RMDN2: variants seen among roughly 807,000 people sequenced by gnomAD.
RMDN2 encodes regulator of microtubule dynamics 2, also known as regulator of microtubule dynamics protein 2.
A neutral mutation model predicts 52.8 loss-of-function variants in RMDN2; 61 were observed. The ratio of observed to expected loss-of-function variants is 1.16; its 90% CI spans 0.94 to 1.43. The LOEUF (loss-of-function observed/expected upper bound fraction) is 1.43. Ranked by LOEUF, RMDN2 falls within the 40% of genes most tolerant of loss-of-function variation. The pLI is 0.00. For missense variants in RMDN2, 592 were observed against 475.3 expected (o/e 1.25, Z -2.28); for synonymous variants, 180 against 153.1 (o/e 1.18, Z -1.30).
chr2:38,019,335 C>A (rs541798364), downstream of RMDN2, among the ~76,000 whole-genome samples: 1 of 152,236 alleles, frequency 6.6e-6, no homozygotes, highest in East Asian at 1.9e-4. Context: ...ATAATTGGAA[C>A]CTGACATAAG....
At chr2:38,025,876 G>C (rs954877735) in intron 10 of RMDN2, among the ~76,000 whole-genome samples, 2 of 151,892 alleles carry the variant, frequency 1.3e-5, no homozygotes, top group African/African-American at 4.8e-5. Context: ...TTAAGTTTTT[G>C]CATAAATATT....
At chr2:37,958,252 C>T (rs1349428286) in intron 2 of RMDN2, among the ~76,000 whole-genome samples, 1 of 152,184 alleles carries the variant, frequency 6.6e-6, no homozygotes, top group Non-Finnish European at 1.5e-5. Context: ...GCCATTTTCA[C>T]AATACTGATT....
intron 10 of RMDN2, among the ~76,000 whole-genome samples, chr2:38,048,381 A>G (rs1428657107): frequency 6.6e-6 from 1 of 152,186 alleles, no homozygotes; most frequent in African/African-American, 2.4e-5. Flanking sequence ...AGGACTTTAC[A>G]AATTTATCCT....
At chr2:37,993,083 TTTTTA>T (rs541701770) in intron 7 of RMDN2, among the ~76,000 whole-genome samples, 139 of 152,046 alleles carry the variant, frequency 9.1e-4, no homozygotes, top group Non-Finnish European at 1.7e-3. Context: ...CTCGGGTATT[TTTTTA>T]TTTTATTTTT....
chr2:37,951,139 C>A, intron 2 of RMDN2: 1 of 1,206,208 alleles, frequency 8.3e-7, no homozygotes. Flanking sequence ...AATTGGTGGA[C>A]ACCAAAAGGT....
At chr2:37,950,547 A>G (rs1668647106) in intron 2 of RMDN2, 1 of 1,613,104 alleles carries the variant, frequency 6.2e-7, no homozygotes, top group Non-Finnish European at 8.5e-7. Context: ...CCTAGAAGGG[A>G]AGGGAGAGAC....
intron 5 of RMDN2, among the ~76,000 whole-genome samples, chr2:37,985,415 GGGAAATCAATCCA>G (rs1673872987): frequency 6.6e-6 from 1 of 151,984 alleles, no homozygotes; most frequent in South Asian, 2.1e-4. Flanking sequence ...TAGTAGAGTA[GGGAAATCAATCCA>G]GTATACCTGG....
At chr2:37,989,953 C>T (rs565475234) in intron 6 of RMDN2, among the ~76,000 whole-genome samples, 2 of 151,686 alleles carry the variant, frequency 1.3e-5, no homozygotes, top group East Asian at 2.0e-4. Flanking sequence ...ACCATCCTGG[C>T]GAACACTGTG....
At chr2:38,042,427 CACA>C (rs1681021741) in intron 10 of RMDN2, among the ~76,000 whole-genome samples, 1 of 67,092 alleles carries the variant, frequency 1.5e-5, no homozygotes, top group Non-Finnish European at 2.3e-5. Context: ...ACACACACCA[CACA>C]CACACACACA....
chr2:38,029,434 T>C (rs1680017676), intron 10 of RMDN2: 3 of 152,066 alleles, frequency 2.0e-5, no homozygotes, highest in Admixed American at 6.5e-5. Flanking sequence ...CTGGAGCATT[T>C]TTTTGCATCT....
At chr2:37,967,983 A>G (rs1671289502) in intron 2 of RMDN2, among the ~76,000 whole-genome samples, 1 of 152,186 alleles carries the variant, frequency 6.6e-6, no homozygotes. Flanking sequence ...AATAAAGTTT[A>G]TGTTTTGTAT....
intron 2 of RMDN2, chr2:37,963,179 T>C (rs1670494435): frequency 6.6e-6 from 1 of 152,438 alleles, no homozygotes; most frequent in African/African-American, 2.4e-5. Context: ...AGCATCTTTT[T>C]TCAAATCTAG....
chr2:37,945,514 A>G (rs1451369848), intron 2 of RMDN2, among the ~76,000 whole-genome samples: 8 of 152,206 alleles, frequency 5.3e-5, no homozygotes, highest in African/African-American at 1.7e-4. Flanking sequence ...GTACCCCGAT[A>G]CCTTGGCACC....
chr2:38,060,018 C>T (rs990733769), intron 10 of RMDN2, among the ~76,000 whole-genome samples: 6 of 152,130 alleles, frequency 3.9e-5, no homozygotes, highest in South Asian at 2.1e-4. Flanking sequence ...CTGCCTCAGC[C>T]TCCCGAGTAG....
chr2:38,005,138 GA>G (rs1676899355), intron 10 of RMDN2, among the ~76,000 whole-genome samples: 1 of 152,184 alleles, frequency 6.6e-6, no homozygotes, highest in African/African-American at 2.4e-5. Context: ...TTGCTATTGT[GA>G]ATAGTGCTGC....
Position 37,975,326 on chromosome 2 carries a change from G to T in RMDN2, c.730+12G>T. ...TTATGCTAATATTGGTAAGCATTTT[G>T]TAAAGATTATTCTCAAGTAGCAATT... On this transcript the variant is annotated intron_variant, in intron 4 of 10. Coordinates refer to ENST00000354545, the MANE Select transcript of RMDN2 (RefSeq NM_001170791.3). 2 of 1,434,062 alleles carry T rather than the reference G, an allele frequency of 1.4e-6. No homozygotes were observed. The highest frequency in any genetic ancestry group is 2.0e-6 in the Non-Finnish European group (2 of 1,017,502). The allele number at this position is 1,434,062 out of a possible 1,614,324, so 88.8% of individuals were successfully genotyped here. A position where few individuals can be genotyped will look rare whatever the true frequency, so the allele number is the denominator to read the frequency against.
At chr2:38,014,792 G>T (rs1201666454) in intron 10 of RMDN2, among the ~76,000 whole-genome samples, 2 of 152,166 alleles carry the variant, frequency 1.3e-5, no homozygotes, top group African/African-American at 2.4e-5. Context: ...CTAGAGGCTT[G>T]TGATACAAAG....
chr2:37,935,913 ATTAACT>A (rs1250824419), intron 2 of RMDN2, among the ~76,000 whole-genome samples: 2 of 151,472 alleles, frequency 1.3e-5, no homozygotes, highest in Non-Finnish European at 2.9e-5. Flanking sequence ...TTTTTCTTTT[ATTAACT>A]TTAAGTTCTG....
intron 7 of RMDN2, among the ~76,000 whole-genome samples, chr2:37,993,638 C>G (rs1327111343): frequency 6.6e-6 from 1 of 151,954 alleles, no homozygotes; most frequent in Admixed American, 6.6e-5. Context: ...TTTACCAAGG[C>G]TGGTAACCTA....
Sources: gnomAD v4.1 joint callset for allele counts (sites outside exome capture counted in the v4.1 genomes callset) on GRCh38, gnomAD v4.1.1 for gene constraint, MANE v1.5 for transcripts, NCBI Gene and HGNC (gene_info 2026-07-23, HGNC 2026-07-21) for gene names.